RNLS: variants seen among roughly 807,000 people sequenced by gnomAD.
The protein encoded by RNLS is renalase.
A neutral mutation model predicts 39.8 loss-of-function variants in RNLS; 39 were observed. The ratio of observed to expected loss-of-function variants is 0.98; its 90% CI spans 0.76 to 1.28. RNLS has a LOEUF of 1.28. Among genes scored for constraint, RNLS ranks in the 50% most tolerant of loss-of-function variants. RNLS has a pLI of 0.00. For synonymous variants in RNLS, 147 were observed against 150.7 expected (o/e 0.98, Z 0.18); for missense variants, 410 against 413.3 (o/e 0.99, Z 0.07).
At chr10:88,522,724 A>G (rs999738537) in intron 4 of RNLS, among the ~76,000 whole-genome samples, 2 of 152,116 alleles carry the variant, frequency 1.3e-5, no homozygotes, top group Admixed American at 6.6e-5. Context: ...AAGGAACAAA[A>G]AAATGATGAG....
At position 88,422,908 on chromosome 10, in the gene RNLS, C is replaced by T. The variant is rs184372881; in HGVS notation, c.527-60183G>A. Among the ~76,000 whole-genome samples the T allele has an allele frequency of 5.3e-5, 8 of 152,158 alleles. No individual in the cohort carries two copies. In the East Asian group the frequency reaches 1.2e-3, roughly 22 times the overall value. ...CCTCCTGAGTAGCTAGGACTACCAC[C>T]ACGTCCATCTGGTTTTTAATTTTTT... On this transcript the variant is annotated intron_variant, in intron 4 of 6. Coordinates refer to ENST00000331772, the MANE Select transcript of RNLS (RefSeq NM_001031709.3).
At chr10:88,389,193 A>C (rs1383121753) in intron 4 of RNLS, among the ~76,000 whole-genome samples, 1 of 152,218 alleles carries the variant, frequency 6.6e-6, no homozygotes, top group Non-Finnish European at 1.5e-5. Flanking sequence ...GCTTTACTAA[A>C]GATGGCTATT....
intron 4 of RNLS, among the ~76,000 whole-genome samples, chr10:88,458,070 A>G (rs552774532): frequency 6.6e-6 from 1 of 152,080 alleles, no homozygotes; most frequent in Non-Finnish European, 1.5e-5. Context: ...TCCTCACCCA[A>G]ATTATTTTCC....
At chr10:88,325,303 T>C (rs572446649) in intron 5 of RNLS, among the ~76,000 whole-genome samples, 90 of 151,650 alleles carry the variant, frequency 5.9e-4, no homozygotes, top group Admixed American at 2.8e-3. Context: ...CAATACTTAT[T>C]TGCTGTTTGT....
intron 5 of RNLS, among the ~76,000 whole-genome samples, chr10:88,361,260 G>A (rs1476195893): frequency 6.6e-6 from 1 of 152,144 alleles, no homozygotes; most frequent in Non-Finnish European, 1.5e-5. Context: ...CAACCATATT[G>A]GGATTAGGGC....
intron 4 of RNLS, among the ~76,000 whole-genome samples, chr10:88,485,188 T>C (rs1316671156): frequency 6.6e-6 from 1 of 151,868 alleles, no homozygotes; most frequent in East Asian, 1.9e-4. Context: ...AAGAACAAAC[T>C]TGGAAGAATG....
chr10:88,437,631 A>G (rs1454726047), intron 4 of RNLS, among the ~76,000 whole-genome samples: 1 of 152,078 alleles, frequency 6.6e-6, no homozygotes, highest in Non-Finnish European at 1.5e-5. Flanking sequence ...CCATTCATTA[A>G]CCCTATGTAA....
intron 4 of RNLS, among the ~76,000 whole-genome samples, chr10:88,499,473 G>A (rs1026687020): frequency 2.0e-5 from 3 of 152,060 alleles, no homozygotes; most frequent in Non-Finnish European, 2.9e-5. Flanking sequence ...CAGATAATAT[G>A]TTAGAAGTTC....
At chr10:88,242,960 AAC>A in the RNLS span, among the ~76,000 whole-genome samples, 1 of 151,776 alleles carries the variant, frequency 6.6e-6, no homozygotes, top group African/African-American at 2.4e-5. Flanking sequence ...CAAACAAACA[AAC>A]AAACAAACAA....
chr10:88,303,439 A>C (rs1844679279), intron 6 of RNLS, among the ~76,000 whole-genome samples: 1 of 152,178 alleles, frequency 6.6e-6, no homozygotes, highest in South Asian at 2.1e-4. Flanking sequence ...GGGCAGTCCC[A>C]GGTATCCTGC....
intron 4 of RNLS, among the ~76,000 whole-genome samples, chr10:88,371,898 G>A (rs1007273557): frequency 1.3e-5 from 2 of 152,020 alleles, no homozygotes; most frequent in African/African-American, 4.8e-5. Flanking sequence ...TGGTGTTATA[G>A]GACAATAAAG....
intron 4 of RNLS, among the ~76,000 whole-genome samples, chr10:88,442,995 T>C (rs1037261449): frequency 7.2e-5 from 11 of 152,184 alleles, no homozygotes; most frequent in African/African-American, 2.7e-4. Context: ...TTGAAAGTAT[T>C]TTCACAATTG....
intron 4 of RNLS, among the ~76,000 whole-genome samples, chr10:88,442,789 C>T (rs573307591): frequency 3.3e-5 from 5 of 152,246 alleles, no homozygotes; most frequent in South Asian, 2.1e-4. Context: ...CTTGCCCACA[C>T]GCCTGCTGTC....
intron 4 of RNLS, among the ~76,000 whole-genome samples, chr10:88,394,280 T>G (rs1852408314): frequency 6.6e-6 from 1 of 152,130 alleles, no homozygotes; most frequent in Non-Finnish European, 1.5e-5. Context: ...GAGAAAATTT[T>G]TGCCACCTAC....
At chr10:88,187,198 T>TATATATAATATATATAATATATATATA in the RNLS span, among the ~76,000 whole-genome samples, 2 of 13,808 alleles carry the variant, frequency 1.4e-4, no homozygotes, top group Non-Finnish European at 2.1e-4. Context: ...ATATATATAA[T>TATATATAATATATATAATATATATATA]ATATATATAA....
intron 4 of RNLS, among the ~76,000 whole-genome samples, chr10:88,430,924 T>C (rs958026048): frequency 6.6e-6 from 1 of 151,766 alleles, no homozygotes; most frequent in African/African-American, 2.4e-5. Flanking sequence ...TATAGAGATA[T>C]TGACCTGTAG....
intron 6 of RNLS, among the ~76,000 whole-genome samples, chr10:88,300,776 GA>G (rs1305813441): frequency 2.0e-5 from 3 of 152,202 alleles, no homozygotes; most frequent in Non-Finnish European, 2.9e-5. Context: ...TGTGTTTAAT[GA>G]AAAGATGAGT....
chr10:88,582,759 A>G (rs1269637424), intron 1 of RNLS, among the ~76,000 whole-genome samples: 1 of 152,250 alleles, frequency 6.6e-6, no homozygotes, highest in African/African-American at 2.4e-5. Context: ...AGTAGGCCCA[A>G]GCTTTGCAAA....
At chr10:88,558,828 C>G (rs1438723389) in intron 4 of RNLS, among the ~76,000 whole-genome samples, 1 of 152,064 alleles carries the variant, frequency 6.6e-6, no homozygotes, top group African/African-American at 2.4e-5. Flanking sequence ...TTAATTAATA[C>G]ATTAAAAATG....
Sources: gnomAD v4.1 joint callset for allele counts (sites outside exome capture counted in the v4.1 genomes callset) on GRCh38, gnomAD v4.1.1 for gene constraint, MANE v1.5 for transcripts, NCBI Gene and HGNC (gene_info 2026-07-23, HGNC 2026-07-21) for gene names.